DEK: variants seen among roughly 807,000 people sequenced by gnomAD.
DEK encodes the protein DEK proto-oncogene.
Under a neutral mutation model 46.8 loss-of-function variants are expected in DEK, and 28 were observed. The observed-to-expected ratio is 0.60, with a 90% CI of 0.44 to 0.82. The LOEUF (loss-of-function observed/expected upper bound fraction) is 0.82. Among genes scored for constraint, DEK ranks in the 40% least tolerant of loss-of-function variants. The pLI is 0.00. For missense variants in DEK, 416 were observed against 430.6 expected, an observed-to-expected ratio of 0.97 and a Z score of 0.30; for synonymous variants, 160 against 144.5, an observed-to-expected ratio of 1.11 and a Z score of -0.77.
intron 2 of DEK, among the ~76,000 whole-genome samples, chr6:18,259,495 A>G (rs1791759289): frequency 6.6e-6 from 1 of 151,412 alleles, no homozygotes; most frequent in South Asian, 2.1e-4. Flanking sequence ...TATCTAAAAT[A>G]AAATCATTTT....
intron 7 of DEK, among the ~76,000 whole-genome samples, chr6:18,240,463 AT>A (rs1488150564): frequency 7.2e-5 from 11 of 152,344 alleles, no homozygotes; most frequent in African/African-American, 2.6e-4. Context: ...CCCTTGTCTC[AT>A]TTACAAAACA....
At chr6:18,244,979 A>C (rs1561983095) in intron 7 of DEK, among the ~76,000 whole-genome samples, 1 of 152,202 alleles carries the variant, frequency 6.6e-6, no homozygotes, top group Admixed American at 6.5e-5. Flanking sequence ...AGTTTCTCTG[A>C]CTTGGCAAAC....
intron 1 of DEK, 118 bp from the exon 2 acceptor site, chr6:18,264,114 T>A (rs1792001486): frequency 8.7e-6 from 8 of 924,638 alleles, no homozygotes; most frequent in Non-Finnish European, 1.1e-5. Context: ...AGTTGCCTCC[T>A]CCCATAGCCG....
At chr6:18,230,485 T>C (rs1790364143) in intron 9 of DEK, among the ~76,000 whole-genome samples, 1 of 152,054 alleles carries the variant, frequency 6.6e-6, no homozygotes, top group African/African-American at 2.4e-5. Context: ...AGGAGACCCA[T>C]CTCATGTGCA....
chr6:18,263,883 TTCC>T lies in DEK; in HGVS notation c.102_104del (p.Glu36del), dbSNP rs1791985627. On this transcript the variant is annotated inframe_deletion, in exon 2 of 11. Coordinates refer to ENST00000652689, the MANE Select transcript of DEK (RefSeq NM_003472.4). ...CCTCCTCCTCGTCGTCCTCGTCCTC[TTCC>T]TCCTCGCTCTCCTCTCTGGGACCGG... 1 of 1,612,952 alleles carries T rather than the reference TTCC, an allele frequency of 6.2e-7. No homozygotes were observed. The highest frequency in any genetic ancestry group is 1.1e-5 in the South Asian group (1 of 90,886).
chr6:18,244,504 T>A, intron 7 of DEK: 2 of 1,283,828 alleles, frequency 1.6e-6, no homozygotes, highest in South Asian at 2.5e-5. Context: ...AAAGCAAGGC[T>A]TACCTATGAT....
rs1791672835 is a variant in DEK, at chr6:18,257,953, A to G, written c.357T>C (p.Thr119=). 6.3e-7 allele frequency: 1 copy of G among 1,592,154 alleles called. No homozygotes were observed. The highest frequency in any genetic ancestry group is 8.5e-7 in the Non-Finnish European group (1 of 1,172,698). ...LHKLLYNRPG[T]VSSLKKNVGQ... is the part of the protein sequence containing the mutation. ...GGTTTAAAGTGTAAAAAGGTCTTAC[A>G]GTGCCTGGCCTGTTGTAAAGCAGTT... The change falls in exon 4 of 11, where the codon ACT becomes ACC. Residue 119 remains threonine, a splice_region_variant and synonymous_variant. Coordinates refer to ENST00000652689, the MANE Select transcript of DEK (RefSeq NM_003472.4).
chr6:18,244,728 A>T (rs1402105387), intron 7 of DEK: 1 of 369,778 alleles, frequency 2.7e-6, no homozygotes, highest in Non-Finnish European at 4.9e-6. Flanking sequence ...TTCACAGAAG[A>T]TTATGAAAGC....
intron 6 of DEK, among the ~76,000 whole-genome samples, chr6:18,253,314 G>A (rs1450649201): frequency 6.6e-6 from 1 of 152,096 alleles, no homozygotes; most frequent in East Asian, 1.9e-4. Flanking sequence ...AGCATTTATC[G>A]CCAATGATAA....
intron 9 of DEK, among the ~76,000 whole-genome samples, chr6:18,230,358 G>A (rs1435337891): frequency 6.6e-6 from 1 of 152,054 alleles, no homozygotes; most frequent in Non-Finnish European, 1.5e-5. Context: ...ATAATGACAG[G>A]ATCAAATTCA....
At chr6:18,250,833 C>A (rs1791348420) in intron 6 of DEK, among the ~76,000 whole-genome samples, 1 of 152,018 alleles carries the variant, frequency 6.6e-6, no homozygotes, top group Non-Finnish European at 1.5e-5. Flanking sequence ...AATTATACAT[C>A]CTGAATTTAT....
intron 2 of DEK, among the ~76,000 whole-genome samples, chr6:18,258,835 T>C (rs925930147): frequency 3.3e-5 from 5 of 152,102 alleles, no homozygotes; most frequent in Non-Finnish European, 7.4e-5. Context: ...TCAAAAGATA[T>C]ATAGAGAACA....
intron 5 of DEK, among the ~76,000 whole-genome samples, chr6:18,256,073 C>T (rs1220561717): frequency 6.6e-6 from 1 of 151,936 alleles, no homozygotes; most frequent in Non-Finnish European, 1.5e-5. Context: ...CCGCAACCTC[C>T]ACCTCCCAGG....
At chr6:18,229,321 C>T (rs112751460) in intron 9 of DEK, among the ~76,000 whole-genome samples, 216 of 152,300 alleles carry the variant, frequency 1.4e-3, no homozygotes, top group Non-Finnish European at 2.4e-3. Context: ...AAAATTAGAG[C>T]GCCTCTTCTC....
chr6:18,226,110 T>G, intron 10 of DEK, 64 bp downstream of exon 10: 2 of 1,156,070 alleles, frequency 1.7e-6, no homozygotes, highest in Non-Finnish European at 2.3e-6. Flanking sequence ...AAATATGGAG[T>G]ATTTTATGTA....
chr6:18,247,894 A>C (rs1218836920), intron 7 of DEK, among the ~76,000 whole-genome samples: 5 of 151,842 alleles, frequency 3.3e-5, no homozygotes, highest in African/African-American at 4.8e-5. Context: ...CTGGTCTCGA[A>C]CTCCTGACCT....
chr6:18,249,113 A>C (rs1791250076), intron 7 of DEK, among the ~76,000 whole-genome samples: 1 of 152,144 alleles, frequency 6.6e-6, no homozygotes. Context: ...AAGAGTCTCA[A>C]CTTTTACAAA....
chr6:18,240,443 C>T (rs1210436620), intron 7 of DEK, among the ~76,000 whole-genome samples: 1 of 152,204 alleles, frequency 6.6e-6, no homozygotes, highest in Non-Finnish European at 1.5e-5. Flanking sequence ...AGCCCCAGTA[C>T]ATCTCTGGGC....
Position 18,236,501 on chromosome 6 carries a change from A to G in DEK, c.998T>C (p.Leu333Pro). ...GACTTCTTCCAAGTTAGCACTGGCC[A>G]GTAATTTCTTTATTGTTTCCTTTAA... ...EELKETIKKL[L>P]ASANLEEVTM... The change falls in exon 9 of 11, where the codon CTG becomes CCG. Residue 333 changes from leucine to proline, a missense_variant. Leu to Pro is a moderately conservative substitution (Grantham distance 98). Coordinates refer to ENST00000652689, the MANE Select transcript of DEK (RefSeq NM_003472.4). 6.2e-7 allele frequency: 1 copy of G among 1,607,878 alleles called. No homozygotes were observed. The highest frequency in any genetic ancestry group is 8.5e-7 in the Non-Finnish European group (1 of 1,178,198).
Sources: gnomAD v4.1 joint callset for allele counts (sites outside exome capture counted in the v4.1 genomes callset) on GRCh38, gnomAD v4.1.1 for gene constraint, MANE v1.5 for transcripts, NCBI Gene and HGNC (gene_info 2026-07-23, HGNC 2026-07-21) for gene names.